TPO: variants seen among roughly 807,000 people sequenced by gnomAD.
TPO encodes the protein thyroid peroxidase.
TPO carries 78 observed loss-of-function variants against 96.9 expected under a neutral mutation model. The observed-to-expected ratio is 0.81, with a 90% CI of 0.67 to 0.97. The LOEUF (loss-of-function observed/expected upper bound fraction) is 0.97, where lower values mean the gene tolerates loss of function less well. Ranked by LOEUF, TPO falls within the 50% of genes least tolerant of loss-of-function variation. TPO has a pLI of 0.00. For missense variants in TPO, 1,252 were observed against 1,274.8 expected, an observed-to-expected ratio of 0.98 and a Z score of 0.27; for synonymous variants, 547 against 538.0, an observed-to-expected ratio of 1.02 and a Z score of -0.23.
intron 3 of TPO, among the ~76,000 whole-genome samples, chr2:1,432,085 C>T (rs1025747876): frequency 5.9e-5 from 9 of 152,248 alleles, no homozygotes; most frequent in Non-Finnish European, 8.8e-5. Context: ...GCCCTGCAGG[C>T]GACTCAGCCA....
intron 7 of TPO, among the ~76,000 whole-genome samples, chr2:1,460,583 AT>A (rs1668334698): frequency 6.6e-6 from 1 of 152,240 alleles, no homozygotes; most frequent in South Asian, 2.1e-4. Flanking sequence ...TTTGTTGTCC[AT>A]AAAAAGAGTA....
chr2:1,473,673 T>C (rs1362502504), intron 7 of TPO, among the ~76,000 whole-genome samples: 2 of 152,214 alleles, frequency 1.3e-5, no homozygotes, highest in East Asian at 3.8e-4. Context: ...ATTTTTTGTA[T>C]ATTTAATGAT....
At chr2:1,431,750 A>C (rs1383564708) in intron 3 of TPO, among the ~76,000 whole-genome samples, 1 of 152,244 alleles carries the variant, frequency 6.6e-6, no homozygotes, top group Non-Finnish European at 1.5e-5. Context: ...CTCAGTAAGC[A>C]CTATGTATTT....
At chr2:1,452,518 C>A (rs1223049012) in intron 5 of TPO, among the ~76,000 whole-genome samples, 1 of 152,206 alleles carries the variant, frequency 6.6e-6, no homozygotes, top group Non-Finnish European at 1.5e-5. Flanking sequence ...AGCAGCAACC[C>A]TGTGATTATT....
intron 6 of TPO, 101 bp from the exon 7 acceptor site, chr2:1,455,973 CTG>C: frequency 8.2e-7 from 1 of 1,212,966 alleles, no homozygotes; most frequent in South Asian, 1.3e-5. Context: ...ACCTGGAGCT[CTG>C]TGAACAAGAA....
At chr2:1,478,044 T>C (rs1670152862) in intron 8 of TPO, 1 of 985,342 alleles carries the variant, frequency 1.0e-6, no homozygotes, top group South Asian at 4.7e-5. Context: ...TGGAGGTGGG[T>C]GGACCAGGGG....
At chr2:1,489,034 G>A (rs796287502) in intron 10 of TPO, among the ~76,000 whole-genome samples, 9 of 151,604 alleles carry the variant, frequency 5.9e-5, no homozygotes, top group African/African-American at 1.5e-4. Flanking sequence ...TCACATGCCC[G>A]GCACATACCC....
intron 7 of TPO, among the ~76,000 whole-genome samples, chr2:1,457,248 A>G (rs1667886974): frequency 1.1e-5 from 1 of 87,354 alleles, no homozygotes; most frequent in Non-Finnish European, 2.2e-5. Flanking sequence ...CATGTATGAT[A>G]CTGTGGGTAC....
intron 8 of TPO, among the ~76,000 whole-genome samples, chr2:1,482,457 A>C (rs114732334): frequency 0.016 from 2,366 of 152,166 alleles, 62 homozygotes; most frequent in African/African-American, 0.054. Flanking sequence ...AGGCCTCTAC[A>C]TGGCACCGCC....
Position 1,493,832 on chromosome 2 carries a change from T to C in TPO, c.1799T>C (p.Leu600Pro). 1 of 1,614,128 alleles carries C rather than the reference T, an allele frequency of 6.2e-7. No homozygotes were observed. ...AATGAGTGGAGGGAGTTCTGCGGCC[T>C]GCCTCGCCTGGAGACCCCCGCTGAC... ...GYNEWREFCG[L>P]PRLETPADLS... Residue 600 changes from leucine (L) to proline (P), a missense_variant, in exon 11 of 17, where the codon CTG becomes CCG. By Grantham distance (98) the Leu-to-Pro change is moderately conservative (BLOSUM62 -3). Coordinates refer to ENST00000329066, the MANE Select transcript of TPO (RefSeq NM_001206744.2).
chr2:1,483,210 C>T (rs1054369851), intron 8 of TPO, among the ~76,000 whole-genome samples: 80 of 152,298 alleles, frequency 5.3e-4, no homozygotes, highest in African/African-American at 1.9e-3. Context: ...CGCAGGTTTC[C>T]TCTCTGTTAA....
intron 1 of TPO, among the ~76,000 whole-genome samples, chr2:1,392,068 G>A (rs1480968754): frequency 6.6e-6 from 1 of 152,280 alleles, no homozygotes; most frequent in East Asian, 1.9e-4. Flanking sequence ...TAGGAGTGGT[G>A]AGAGAGGGCA....
At chr2:1,437,777 A>G (rs9751407) in intron 5 of TPO, among the ~76,000 whole-genome samples, 128,791 of 152,128 alleles carry the variant, frequency 0.85, 54,894 homozygotes, top group South Asian at 0.93. Context: ...TGTGCTGAAC[A>G]CAGAGATGGG....
intron 15 of TPO, among the ~76,000 whole-genome samples, chr2:1,538,625 C>G (rs552962058): frequency 1.3e-5 from 2 of 152,196 alleles, no homozygotes; most frequent in South Asian, 4.2e-4. Flanking sequence ...CTTTTTTCAA[C>G]ATTTCCAAGA....
intron 7 of TPO, among the ~76,000 whole-genome samples, chr2:1,470,224 A>G (rs1428524843): frequency 6.6e-6 from 1 of 151,918 alleles, no homozygotes; most frequent in African/African-American, 2.4e-5. Flanking sequence ...CAAGAAGCTG[A>G]GGCACAAAAT....
chr2:1,490,398 G>A (rs1427299332), intron 10 of TPO, among the ~76,000 whole-genome samples: 2 of 74,948 alleles, frequency 2.7e-5, no homozygotes, highest in African/African-American at 1.2e-4. Context: ...TCACGACACA[G>A]CAGTGTAAGA....
intron 15 of TPO, among the ~76,000 whole-genome samples, chr2:1,537,548 A>G (rs1680090141): frequency 1.7e-5 from 1 of 58,250 alleles, no homozygotes; most frequent in Non-Finnish European, 3.1e-5. Flanking sequence ...CCAGTGTGCA[A>G]CCTCCTGAAA....
chr2:1,537,481 C>CA (rs1680053745), intron 15 of TPO, among the ~76,000 whole-genome samples: 1 of 46,590 alleles, frequency 2.1e-5, no homozygotes, highest in Non-Finnish European at 3.9e-5. Flanking sequence ...CAAATTCTTC[C>CA]ACTCTGTGCA....
chr2:1,540,068 C>A (rs905321938), intron 15 of TPO, among the ~76,000 whole-genome samples: 2 of 152,164 alleles, frequency 1.3e-5, no homozygotes, highest in African/African-American at 4.8e-5. Context: ...CTTCCTGCAC[C>A]GGCCCCAGCT....
Sources: allele counts gnomAD v4.1 joint callset (sites outside exome capture counted in the v4.1 genomes callset), GRCh38; gene constraint gnomAD v4.1.1; transcripts MANE v1.5; gene names NCBI Gene and HGNC (gene_info 2026-07-23, HGNC 2026-07-21).